Variants in WAPL observed in about 807,000 individuals in gnomAD.
WAPL encodes WAPL cohesin release factor.
WAPL carries 5 observed loss-of-function variants against 121.0 expected under a neutral mutation model. The ratio of observed to expected loss-of-function variants is 0.04; its 90% CI spans 0.02 to 0.09. The LOEUF (loss-of-function observed/expected upper bound fraction) is 0.09. Ranked by LOEUF, WAPL falls within the 10% of genes least tolerant of loss-of-function variation. The pLI is 1.00. For synonymous variants in WAPL, 480 were observed against 481.5 expected (o/e 1.00, Z 0.04); for missense variants, 999 against 1,410.8 (o/e 0.71, Z 4.68).
chr10:86,487,081 G>A (rs1337598183), intron 4 of WAPL, among the ~76,000 whole-genome samples: 1 of 151,990 alleles, frequency 6.6e-6, no homozygotes, highest in African/African-American at 2.4e-5. Context: ...CAACATCCCA[G>A]GTAAAACACA....
chr10:86,482,298 G>A (rs1014248016), intron 4 of WAPL, among the ~76,000 whole-genome samples: 1 of 152,206 alleles, frequency 6.6e-6, no homozygotes, highest in Admixed American at 6.5e-5. Context: ...CATGGATACT[G>A]AAGATTATGT....
intron 14 of WAPL, 95 bp from the exon 15 acceptor site, chr10:86,452,226 A>T: frequency 8.1e-7 from 1 of 1,231,624 alleles, no homozygotes; most frequent in Non-Finnish European, 1.1e-6. Context: ...TAAAAAGCTG[A>T]ATATCAGTGT....
intron 2 of WAPL, among the ~76,000 whole-genome samples, chr10:86,516,981 G>C: frequency 6.6e-6 from 1 of 152,048 alleles, no homozygotes; most frequent in Non-Finnish European, 1.5e-5. Flanking sequence ...TACTCGGGAG[G>C]CTGAGGCAGG....
intron 4 of WAPL, among the ~76,000 whole-genome samples, chr10:86,492,873 C>G (rs1488949487): frequency 6.6e-6 from 1 of 152,026 alleles, no homozygotes; most frequent in Non-Finnish European, 1.5e-5. Context: ...CTGGCTAACA[C>G]TGTGAAACCC....
At chr10:86,465,730 G>A (rs139216578) in intron 9 of WAPL, among the ~76,000 whole-genome samples, 117 of 152,230 alleles carry the variant, frequency 7.7e-4, no homozygotes, top group African/African-American at 2.7e-3. Flanking sequence ...ACACAGATAC[G>A]GCTTTTGTTC....
Position 86,487,767 on chromosome 10 carries a change from C to T in WAPL, c.1644+9434G>A, listed in dbSNP as rs188326864. On this transcript the variant is annotated intron_variant, in intron 4 of 18. Coordinates refer to ENST00000298767, the MANE Select transcript of WAPL (RefSeq NM_015045.5). The stretch of plus-strand genomic sequence containing the variant: ...AAAATTAGCCGGGCATGGTGGTGGG[C>T]GCCTGTAGTCCCAGCTACTTGGGAG... 4.2e-3 allele frequency among the ~76,000 whole-genome samples: 644 copies of T among 152,108 alleles called. 3 individuals are homozygous for T. Among genetic ancestry groups the T allele is most frequent in the African/African-American group, 5.4e-3 (225 of 41,468 alleles).
At chr10:86,509,763 TG>T (rs71487260) in intron 2 of WAPL, among the ~76,000 whole-genome samples, 1,508 of 105,698 alleles carry the variant, frequency 0.014, 25 homozygotes, top group African/African-American at 0.05. Flanking sequence ...CGAAGCTCTT[TG>T]GTTTTTTTTT....
At chr10:86,440,259 T>TAA (rs1441922966) in intron 17 of WAPL, among the ~76,000 whole-genome samples, 17 of 151,838 alleles carry the variant, frequency 1.1e-4, no homozygotes, top group Admixed American at 7.9e-4. Flanking sequence ...ACAGAGTATC[T>TAA]AAAAATCTTT....
chr10:86,465,710 G>A (rs1232692867), intron 9 of WAPL, among the ~76,000 whole-genome samples: 1 of 152,104 alleles, frequency 6.6e-6, no homozygotes, highest in African/African-American at 2.4e-5. Flanking sequence ...AATGGCATGG[G>A]GATCCCGAGA....
chr10:86,492,140 T>C (rs1589527604), intron 4 of WAPL, among the ~76,000 whole-genome samples: 2 of 152,220 alleles, frequency 1.3e-5, no homozygotes, highest in Admixed American at 1.3e-4. Context: ...TCTGAGTTAT[T>C]TGACTTAGCA....
At chr10:86,471,559 T>C (rs1393877543) in intron 7 of WAPL, among the ~76,000 whole-genome samples, 4 of 152,252 alleles carry the variant, frequency 2.6e-5, no homozygotes, top group Non-Finnish European at 5.9e-5. Context: ...GATCACAATA[T>C]GCTTAAATAA....
In WAPL at chr10:86,500,332, G is replaced by A; in HGVS notation, c.911C>T (p.Ser304Phe). ...ATCAAAATTTGATGCTCCTTGGGAG[G>A]ATTTCGTTTTATTGGCCCTACAGTA... ...RTYCRANKTK[S>F]SQGASNFDKL... The change falls in exon 3 of 19, where the codon TCC becomes TTC. Residue 304 changes from serine (S) to phenylalanine (F), a missense_variant. Around this residue, in one of 7 missense-constraint regions of WAPL, gnomAD observed 531 missense variants for 563.1 expected, o/e 0.94. Transcript: ENST00000298767. 1 of 1,614,182 alleles carries A rather than the reference G, an allele frequency of 6.2e-7. No homozygotes were observed. The highest frequency in any genetic ancestry group is 1.3e-5 in the African/African-American group (1 of 75,040).
intron 2 of WAPL, among the ~76,000 whole-genome samples, chr10:86,502,793 T>C (rs183783406): frequency 2.3e-4 from 35 of 152,274 alleles, no homozygotes; most frequent in African/African-American, 7.2e-4. Flanking sequence ...ATTAAATCAA[T>C]AGTCAAAAGA....
At chr10:86,449,351 A>G (rs527318208) in intron 15 of WAPL, among the ~76,000 whole-genome samples, 184 of 152,330 alleles carry the variant, frequency 1.2e-3, no homozygotes, top group Middle Eastern at 0.01. Context: ...AGGCAGCACA[A>G]TTTTCTAAAA....
intron 2 of WAPL, among the ~76,000 whole-genome samples, chr10:86,506,088 A>G (rs535772530): frequency 6.6e-6 from 1 of 152,330 alleles, no homozygotes; most frequent in South Asian, 2.1e-4. Flanking sequence ...AAAAAAAATT[A>G]GCTGACTGTG....
At chr10:86,504,359 T>C (rs1252122467) in intron 2 of WAPL, among the ~76,000 whole-genome samples, 1 of 1,958 alleles carries the variant, frequency 5.1e-4, no homozygotes, top group Non-Finnish European at 1.1e-3. Flanking sequence ...TTCTAAATAC[T>C]TTCTATTAAT....
At chr10:86,465,645 C>T (rs1456806241) in intron 9 of WAPL, among the ~76,000 whole-genome samples, 2 of 152,236 alleles carry the variant, frequency 1.3e-5, no homozygotes, top group Non-Finnish European at 1.5e-5. Flanking sequence ...TAGCCCTACA[C>T]ATCCATTCTG....
At chr10:86,453,185 T>C in intron 14 of WAPL, 35 bp downstream of exon 14, 2 of 1,597,740 alleles carry the variant, frequency 1.3e-6, no homozygotes, top group South Asian at 1.1e-5. Context: ...TTATTAGATA[T>C]GATACTCATT....
chr10:86,455,380 C>A (rs1050623276), intron 12 of WAPL, among the ~76,000 whole-genome samples: 3 of 152,012 alleles, frequency 2.0e-5, no homozygotes, highest in African/African-American at 7.2e-5. Flanking sequence ...TGCAAACTTA[C>A]CCCCAACCCC....
Sources: allele counts gnomAD v4.1 joint callset (sites outside exome capture counted in the v4.1 genomes callset), GRCh38; gene constraint gnomAD v4.1.1; regional missense constraint gnomAD v4.1.1; transcripts MANE v1.5; gene names NCBI Gene and HGNC (gene_info 2026-07-23, HGNC 2026-07-21).